Variants in TSEN15 observed in about 807,000 individuals in gnomAD.
TSEN15 encodes the protein tRNA-splicing endonuclease subunit Sen15.
In TSEN15, 10 loss-of-function variants were observed where a neutral mutation model predicts 20.5. The ratio of observed to expected loss-of-function variants is 0.49; its 90% CI spans 0.30 to 0.83. The LOEUF is 0.83. TSEN15 is among the 40% of genes least tolerant of loss of function. The probability of loss-of-function intolerance (pLI) is 0.06; values close to 1 mark genes in which losing one functional copy is unlikely to be tolerated. For missense variants in TSEN15, 180 were observed against 218.6 expected, an observed-to-expected ratio of 0.82 and a Z score of 1.11; for synonymous variants, 72 against 80.1, an observed-to-expected ratio of 0.90 and a Z score of 0.54.
At chr1:184,072,130 C>G in intron 3 of TSEN15, 27 bp from the exon 4 acceptor site, 2 of 1,610,572 alleles carry the variant, frequency 1.2e-6, no homozygotes, top group Non-Finnish European at 1.7e-6. Flanking sequence ...ACCGCAACTC[C>G]TAAGTATATT....
chr1:184,077,954 A>G (rs1651095800), downstream of TSEN15, among the ~76,000 whole-genome samples: 1 of 152,320 alleles, frequency 6.6e-6, no homozygotes, highest in South Asian at 2.1e-4. Flanking sequence ...AGAAAATTAC[A>G]TAAACTTAAT....
downstream of TSEN15, among the ~76,000 whole-genome samples, chr1:184,076,142 GT>G (rs1159392740): frequency 1.3e-5 from 2 of 151,890 alleles, no homozygotes; most frequent in African/African-American, 4.8e-5. Context: ...GGGATATTGT[GT>G]TTTTTACAAA....
chr1:184,075,092 G>T (rs192779927), downstream of TSEN15, among the ~76,000 whole-genome samples: 134 of 152,200 alleles, frequency 8.8e-4, no homozygotes, highest in Non-Finnish European at 1.4e-3. Context: ...TTGTGTGTCG[G>T]ATCTGTTGAC....
chr1:184,072,766 T>G, intron 4 of TSEN15, 61 bp from the exon 5 acceptor site: 1 of 1,417,196 alleles, frequency 7.1e-7, no homozygotes, highest in Admixed American at 1.8e-5. Flanking sequence ...TCTTTCTAAT[T>G]TTGCTTTTGG....
intron 3 of TSEN15, among the ~76,000 whole-genome samples, chr1:184,087,166 C>T (rs181769542): frequency 6.6e-6 from 1 of 152,150 alleles, no homozygotes; most frequent in African/African-American, 2.4e-5. Flanking sequence ...TTAAAATTTT[C>T]TAGTAGCCAC....
intron 3 of TSEN15, among the ~76,000 whole-genome samples, chr1:184,087,943 G>A (rs1243277248): frequency 1.3e-5 from 2 of 152,274 alleles, no homozygotes; most frequent in East Asian, 3.9e-4. Flanking sequence ...GAAATCTAGT[G>A]GACAGTGGAT....
intron 2 of TSEN15, 90 bp from the exon 3 acceptor site, chr1:184,054,638 A>G (rs776619608): frequency 2.8e-6 from 4 of 1,426,454 alleles, no homozygotes; most frequent in Admixed American, 2.2e-5. Context: ...TACGAGTGAT[A>G]TTTGCTCAGC....
intron 3 of TSEN15, among the ~76,000 whole-genome samples, chr1:184,060,928 A>G (rs1035139707): frequency 2.6e-5 from 4 of 152,342 alleles, no homozygotes; most frequent in Middle Eastern, 3.4e-3. Context: ...TCTTGTAATT[A>G]TAACTAAGTC....
At chr1:184,060,996 A>G (rs1261518166) in intron 3 of TSEN15, among the ~76,000 whole-genome samples, 2 of 152,116 alleles carry the variant, frequency 1.3e-5, no homozygotes, top group African/African-American at 4.8e-5. Context: ...CATCCCAATC[A>G]TAATCTTTCT....
chr1:184,055,599 G>A (rs72733500), intron 3 of TSEN15, among the ~76,000 whole-genome samples: 10,112 of 152,166 alleles, frequency 0.066, 496 homozygotes, highest in Non-Finnish European at 0.1. Flanking sequence ...TTATATAGCA[G>A]TTGGTGAAAA....
At chr1:184,063,527 A>G (rs1270569374) in intron 3 of TSEN15, among the ~76,000 whole-genome samples, 3 of 152,178 alleles carry the variant, frequency 2.0e-5, no homozygotes, top group Non-Finnish European at 2.9e-5. Context: ...TTAGCTTATT[A>G]ATGCATATCA....
At chr1:184,086,323 C>A (rs1341584593) in intron 3 of TSEN15, among the ~76,000 whole-genome samples, 4 of 152,142 alleles carry the variant, frequency 2.6e-5, no homozygotes, top group Non-Finnish European at 5.9e-5. Flanking sequence ...TCTAAGTAGG[C>A]AAAACTAAGT....
intron 3 of TSEN15, among the ~76,000 whole-genome samples, chr1:184,086,080 T>G (rs1651256452): frequency 1.3e-5 from 2 of 152,274 alleles, no homozygotes; most frequent in South Asian, 4.1e-4. Context: ...TTAAATTCTC[T>G]TCTTTTTAGA....
At chr1:184,089,458 CT>C (rs754929871) in intron 3 of TSEN15, among the ~76,000 whole-genome samples, 2 of 152,082 alleles carry the variant, frequency 1.3e-5, no homozygotes, top group Admixed American at 6.6e-5. Flanking sequence ...TTTTAGGCAC[CT>C]AAAACAGCAG....
intron 3 of TSEN15, 45 bp downstream of exon 3, chr1:184,054,908 G>C (rs765160596): frequency 6.3e-7 from 1 of 1,583,350 alleles, no homozygotes; most frequent in Admixed American, 1.8e-5. Flanking sequence ...GAGTAAAGCA[G>C]TAGGAAACAT....
chr1:184,079,326 A>C (rs1396911838), intron 3 of TSEN15, among the ~76,000 whole-genome samples: 2 of 152,168 alleles, frequency 1.3e-5, no homozygotes, highest in Non-Finnish European at 2.9e-5. Flanking sequence ...ATTTTATTAA[A>C]GGTTATTTAT....
intron 3 of TSEN15, among the ~76,000 whole-genome samples, chr1:184,084,830 A>G (rs972832732): frequency 6.6e-6 from 1 of 152,016 alleles, no homozygotes; most frequent in Non-Finnish European, 1.5e-5. Flanking sequence ...TACTACTACA[A>G]TGGCAATTAA....
intron 3 of TSEN15, 35 bp downstream of exon 3, chr1:184,054,898 G>C (rs1037307361): frequency 1.9e-6 from 3 of 1,594,714 alleles, no homozygotes; most frequent in South Asian, 2.3e-5. Context: ...TTCCTTTCCC[G>C]AGTAAAGCAG....
At chr1:184,084,897 A>C (rs1184484433) in intron 3 of TSEN15, among the ~76,000 whole-genome samples, 2 of 152,130 alleles carry the variant, frequency 1.3e-5, no homozygotes, top group Admixed American at 1.3e-4. Context: ...GGTAAAGGAA[A>C]AGATGGGGGG....
Sources: allele counts gnomAD v4.1 joint callset (sites outside exome capture counted in the v4.1 genomes callset), GRCh38; gene constraint gnomAD v4.1.1; transcripts MANE v1.5; gene names NCBI Gene and HGNC (gene_info 2026-07-23, HGNC 2026-07-21).